The following ERBIN variants were observed in gnomAD, a reference collection of about 807,000 sequenced individuals.
ERBIN encodes densin-180-like protein.
A neutral mutation model predicts 158.4 loss-of-function variants in ERBIN; 60 were observed. The ratio of observed to expected loss-of-function variants is 0.38; its 90% CI spans 0.31 to 0.47. ERBIN has a LOEUF of 0.47. Ranked by LOEUF, ERBIN falls within the 20% of genes least tolerant of loss-of-function variation. ERBIN has a pLI of 0.99. For synonymous variants in ERBIN, 594 were observed against 557.2 expected (o/e 1.07, Z -0.93); for missense variants, 1,610 against 1,648.0 (o/e 0.98, Z 0.40).
intron 21 of ERBIN, among the ~76,000 whole-genome samples, chr5:66,068,659 A>G (rs1580534420): frequency 6.6e-6 from 1 of 152,218 alleles, no homozygotes; most frequent in Non-Finnish European, 1.5e-5. Flanking sequence ...TTGCTTAAAC[A>G]TGTGAATGGT....
In ERBIN at chr5:66,053,416, G is replaced by T; in HGVS notation, c.2098G>T (p.Glu700Ter). 6.9e-7 allele frequency: 1 copy of T among 1,456,048 alleles called. No homozygotes were observed. The highest frequency in any genetic ancestry group is 1.7e-5 in the South Asian group (1 of 59,176). 90.2% of individuals were successfully genotyped at this position (1,456,048 alleles called of 1,614,324 possible). A position where few individuals can be genotyped will look rare whatever the true frequency, so the allele number is the denominator to read the frequency against. The change falls in exon 21 of 26, where the codon GAA becomes TAA. Residue 700 changes from glutamate (E) to a stop codon, truncating the protein, a stop_gained. Transcript: ENST00000284037. LOFTEE classifies it high-confidence loss of function. ...DINSKIRQED[E>*]NFNSLLQNGD... is the part of the protein sequence containing the mutation. ...TTATCTTTATTTTAGGCAAGAAGAT[G>T]AAAATTTTAACAGCCTTTTACAAAA...
intron 14 of ERBIN, among the ~76,000 whole-genome samples, chr5:66,035,807 A>T (rs1055244305): frequency 6.6e-6 from 1 of 152,234 alleles, no homozygotes; most frequent in East Asian, 1.9e-4. Flanking sequence ...AATTATAAGT[A>T]ATCAGACTGG....
At chr5:66,062,135 GT>G (rs1760459831) in intron 21 of ERBIN, among the ~76,000 whole-genome samples, 1 of 152,174 alleles carries the variant, frequency 6.6e-6, no homozygotes, top group Admixed American at 6.5e-5. Context: ...ATCCTGCAGT[GT>G]TTTCCAACTT....
At chr5:66,037,626 A>C (rs1757521328) in intron 14 of ERBIN, among the ~76,000 whole-genome samples, 1 of 152,254 alleles carries the variant, frequency 6.6e-6, no homozygotes, top group Non-Finnish European at 1.5e-5. Flanking sequence ...TTTTCATAGG[A>C]GTAGGTGCAA....
At chr5:66,026,649 C>T (rs1756288725) in intron 13 of ERBIN, among the ~76,000 whole-genome samples, 1 of 151,876 alleles carries the variant, frequency 6.6e-6, no homozygotes, top group Admixed American at 6.6e-5. Flanking sequence ...TATTTGAGAA[C>T]CTGCCATACA....
chr5:65,933,141 T>C (rs1209628645), intron 1 of ERBIN, among the ~76,000 whole-genome samples: 1 of 152,242 alleles, frequency 6.6e-6, no homozygotes, highest in Non-Finnish European at 1.5e-5. Flanking sequence ...ACCTTTAATC[T>C]CTGAGATGTT....
intron 21 of ERBIN, among the ~76,000 whole-genome samples, chr5:66,066,106 C>T (rs1024636959): frequency 4.6e-5 from 7 of 152,064 alleles, no homozygotes; most frequent in Non-Finnish European, 8.8e-5. Context: ...AAAATTGTCC[C>T]TGTTTTATTT....
At chr5:66,037,858 G>A (rs1757543302) in intron 14 of ERBIN, among the ~76,000 whole-genome samples, 1 of 152,066 alleles carries the variant, frequency 6.6e-6, no homozygotes, top group Admixed American at 6.5e-5. Context: ...GTGACTTACT[G>A]GTGTCATTAC....
At chr5:65,992,664 G>C in intron 2 of ERBIN, 46 bp from the exon 3 acceptor site, 1 of 1,372,618 alleles carries the variant, frequency 7.3e-7, no homozygotes, top group Non-Finnish European at 9.9e-7. Context: ...CTGAAAAACC[G>C]TTGTAATATG....
intron 10 of ERBIN, chr5:66,025,219 CA>C (rs1480472592): frequency 2.4e-6 from 1 of 413,858 alleles, no homozygotes. Context: ...ACAACGAAGA[CA>C]AAAAAGTTCC....
chr5:65,993,126 TA>T (rs937156551), intron 3 of ERBIN, among the ~76,000 whole-genome samples: 8 of 152,338 alleles, frequency 5.3e-5, no homozygotes, highest in South Asian at 2.1e-4. Flanking sequence ...GCAGATAACG[TA>T]AAATTTTGTA....
At chr5:66,018,890 C>T (rs1755370470) in intron 7 of ERBIN, among the ~76,000 whole-genome samples, 1 of 151,730 alleles carries the variant, frequency 6.6e-6, no homozygotes, top group South Asian at 2.1e-4. Flanking sequence ...CTGCCTTGGC[C>T]TCCCAAAGTG....
intron 21 of ERBIN, among the ~76,000 whole-genome samples, chr5:66,062,269 C>A (rs1298019121): frequency 6.6e-6 from 1 of 152,150 alleles, no homozygotes; most frequent in African/African-American, 2.4e-5. Context: ...CTAAACTTCT[C>A]TTCACGCTTC....
intron 4 of ERBIN, among the ~76,000 whole-genome samples, chr5:65,996,028 T>C (rs2151058958): frequency 6.6e-6 from 1 of 152,310 alleles, no homozygotes; most frequent in African/African-American, 2.4e-5. Flanking sequence ...CTCAGATGTA[T>C]AGCTTGCAAA....
chr5:66,004,822 A>T (rs1478163488), intron 4 of ERBIN, among the ~76,000 whole-genome samples: 1 of 152,176 alleles, frequency 6.6e-6, no homozygotes, highest in Non-Finnish European at 1.5e-5. Flanking sequence ...GTAAGGATGT[A>T]CCAGAAGCTA....
chr5:66,013,741 C>CT (rs750470256), intron 6 of ERBIN, 103 bp downstream of exon 6: 8 of 659,728 alleles, frequency 1.2e-5, no homozygotes, highest in Non-Finnish European at 1.8e-5. Flanking sequence ...TTCATAGGCT[C>CT]TTTTTAAATT....
intron 1 of ERBIN, among the ~76,000 whole-genome samples, chr5:65,964,531 A>G (rs16894606): frequency 0.04 from 6,148 of 152,244 alleles, 417 homozygotes; most frequent in African/African-American, 0.14. Context: ...CTGAAATTCT[A>G]TCCTCAAGGA....
At chr5:65,933,773 A>G (rs1743736256) in intron 1 of ERBIN, among the ~76,000 whole-genome samples, 1 of 152,094 alleles carries the variant, frequency 6.6e-6, no homozygotes, top group African/African-American at 2.4e-5. Context: ...GGTTTTCAGC[A>G]CTGCTATAGA....
At chr5:65,940,693 G>A (rs1443057700) in intron 1 of ERBIN, among the ~76,000 whole-genome samples, 2 of 37,010 alleles carry the variant, frequency 5.4e-5, no homozygotes, top group Admixed American at 2.4e-4. Context: ...GGAGGGAGGT[G>A]GGGGGGTCAG....
Sources: gnomAD v4.1 joint callset for allele counts (sites outside exome capture counted in the v4.1 genomes callset) on GRCh38, gnomAD v4.1.1 for gene constraint, MANE v1.5 for transcripts, NCBI Gene and HGNC (gene_info 2026-07-23, HGNC 2026-07-21) for gene names.